STK39: variants seen among roughly 807,000 people sequenced by gnomAD.
STK39 encodes STE20/SPS1-related proline-alanine-rich protein kinase.
Under a neutral mutation model 77.8 loss-of-function variants are expected in STK39, and 20 were observed. The ratio of observed to expected loss-of-function variants is 0.26; its 90% CI spans 0.18 to 0.37. The LOEUF is 0.37. STK39 is among the 10% of genes least tolerant of loss of function. The pLI, the probability that STK39 is intolerant of heterozygous loss-of-function variation, is 1.00. For missense variants in STK39, 479 were observed against 656.5 expected, an observed-to-expected ratio of 0.73 and a Z score of 2.95; for synonymous variants, 246 against 234.1, an observed-to-expected ratio of 1.05 and a Z score of -0.47.
At chr2:167,957,875 C>T (rs1359881816) in intron 17 of STK39, among the ~76,000 whole-genome samples, 1 of 152,200 alleles carries the variant, frequency 6.6e-6, no homozygotes, top group Non-Finnish European at 1.5e-5. Flanking sequence ...GTGAGAACAT[C>T]ACAGAAGGAG....
intron 14 of STK39, 100 bp downstream of exon 14, chr2:168,063,400 C>T (rs976495956): frequency 1.3e-5 from 14 of 1,077,860 alleles, no homozygotes; most frequent in Admixed American, 2.2e-5. Context: ...AATAAGCTAA[C>T]GATTCTATTT....
intron 2 of STK39, among the ~76,000 whole-genome samples, chr2:168,169,311 G>T (rs1402119190): frequency 1.3e-5 from 2 of 152,176 alleles, no homozygotes; most frequent in Non-Finnish European, 2.9e-5. Flanking sequence ...TCAGTGCGGG[G>T]ATGGCCCACA....
In STK39 at chr2:168,161,780, G is replaced by T; in HGVS notation, c.628+7C>A. ...AAGTAAAAAATTTTTCTATTTATCA[G>T]CTTTACCTGCTATTTGTACTGAACC... On this transcript the variant is annotated splice_region_variant and intron_variant, in intron 5 of 17. Transcript: ENST00000355999. The T allele has an allele frequency of 6.2e-7, 1 of 1,600,780 alleles. No individual in the cohort carries two copies. The highest frequency in any genetic ancestry group is 1.1e-5 in the South Asian group (1 of 87,952).
At chr2:168,014,177 T>C (rs1186335622) in intron 15 of STK39, among the ~76,000 whole-genome samples, 2 of 152,206 alleles carry the variant, frequency 1.3e-5, no homozygotes, top group East Asian at 3.9e-4. Flanking sequence ...CTTTGCCCTT[T>C]TTGCCAGCAG....
chr2:168,172,857 TGAG>T (rs1301138053), intron 2 of STK39, among the ~76,000 whole-genome samples: 7 of 152,232 alleles, frequency 4.6e-5, no homozygotes, highest in African/African-American at 1.7e-4. Context: ...CAGTTAAATC[TGAG>T]GAGATGCTTC....
chr2:168,195,229 C>T (rs1171469711), intron 1 of STK39, among the ~76,000 whole-genome samples: 1 of 152,044 alleles, frequency 6.6e-6, no homozygotes, highest in East Asian at 1.9e-4. Flanking sequence ...AGACCCCGTC[C>T]CTACAAAAAT....
chr2:168,055,639 C>T (rs900816637), intron 14 of STK39, among the ~76,000 whole-genome samples: 6 of 152,182 alleles, frequency 3.9e-5, no homozygotes, highest in Admixed American at 2.6e-4. Context: ...CTGCCTTCAG[C>T]AAAACTGTAA....
intron 16 of STK39, among the ~76,000 whole-genome samples, chr2:168,002,869 A>T (rs995129191): frequency 1.3e-5 from 2 of 152,198 alleles, no homozygotes; most frequent in African/African-American, 2.4e-5. Flanking sequence ...CTCACTGCAC[A>T]TTCATTTGGG....
chr2:168,198,325 T>C (rs1219015629), intron 1 of STK39, among the ~76,000 whole-genome samples: 1 of 152,194 alleles, frequency 6.6e-6, no homozygotes, highest in Non-Finnish European at 1.5e-5. Flanking sequence ...TATTGAACCA[T>C]AAACTATTGC....
chr2:168,039,930 A>G (rs1381251917), intron 14 of STK39, among the ~76,000 whole-genome samples: 1 of 152,210 alleles, frequency 6.6e-6, no homozygotes, highest in Non-Finnish European at 1.5e-5. Context: ...ATACAACCAA[A>G]TAAGAAATGT....
intron 2 of STK39, among the ~76,000 whole-genome samples, chr2:168,179,660 C>T (rs576055736): frequency 1.8e-4 from 27 of 152,136 alleles, no homozygotes; most frequent in African/African-American, 6.3e-4. Context: ...AGACCTCAGA[C>T]GAATGGAGCA....
At chr2:168,071,530 G>A (rs1685939671) in intron 12 of STK39, among the ~76,000 whole-genome samples, 1 of 152,090 alleles carries the variant, frequency 6.6e-6, no homozygotes, top group Non-Finnish European at 1.5e-5. Flanking sequence ...ACAGGTATAA[G>A]GTGCACTGTC....
intron 16 of STK39, among the ~76,000 whole-genome samples, chr2:167,965,551 A>C (rs1692132810): frequency 6.6e-6 from 1 of 152,188 alleles, no homozygotes; most frequent in Admixed American, 6.5e-5. Context: ...ATCAAAAGCT[A>C]ATGATGATGG....
chr2:168,218,612 C>T (rs1362320689), intron 1 of STK39, among the ~76,000 whole-genome samples: 1 of 152,108 alleles, frequency 6.6e-6, no homozygotes, highest in Admixed American at 6.5e-5. Context: ...AGTAAAAAGG[C>T]TCAGAGACAA....
chr2:168,197,533 G>A (rs1689501746), intron 1 of STK39, among the ~76,000 whole-genome samples: 1 of 152,192 alleles, frequency 6.6e-6, no homozygotes, highest in African/African-American at 2.4e-5. Flanking sequence ...AAGGGGATGT[G>A]CTTCCCGTGT....
chr2:168,201,358 C>A (rs1689607432), intron 1 of STK39, among the ~76,000 whole-genome samples: 1 of 152,228 alleles, frequency 6.6e-6, no homozygotes, highest in African/African-American at 2.4e-5. Flanking sequence ...CCTCTGAGAA[C>A]ACACGCAGAC....
At chr2:168,158,324 G>C (rs1688486927) in intron 5 of STK39, among the ~76,000 whole-genome samples, 1 of 152,172 alleles carries the variant, frequency 6.6e-6, no homozygotes, top group Non-Finnish European at 1.5e-5. Flanking sequence ...CATCAAACCT[G>C]AAGTTTTCCA....
chr2:168,057,485 G>A (rs895462700), intron 14 of STK39, among the ~76,000 whole-genome samples: 4 of 152,148 alleles, frequency 2.6e-5, no homozygotes, highest in Non-Finnish European at 4.4e-5. Flanking sequence ...GAGCCACCGC[G>A]CCTGGCCCTC....
At chr2:168,052,095 T>C (rs1685413672) in intron 14 of STK39, among the ~76,000 whole-genome samples, 1 of 152,080 alleles carries the variant, frequency 6.6e-6, no homozygotes, top group South Asian at 2.1e-4. Context: ...GAGTTTGTCC[T>C]GAGACCTAGA....
Sources: allele counts gnomAD v4.1 joint callset (sites outside exome capture counted in the v4.1 genomes callset), GRCh38; gene constraint gnomAD v4.1.1; transcripts MANE v1.5; gene names NCBI Gene and HGNC (gene_info 2026-07-23, HGNC 2026-07-21).